Variants in LY9 observed in about 807,000 individuals in gnomAD.
LY9 encodes T-lymphocyte surface antigen Ly-9.
In LY9, 59 loss-of-function variants were observed where a neutral mutation model predicts 64.6. That is an observed-to-expected ratio of 0.91 (90% CI 0.74 to 1.13). LY9 has a LOEUF of 1.13. Ranked by LOEUF, LY9 falls within the 50% of genes most tolerant of loss-of-function variation. The pLI is 0.00. For synonymous variants in LY9, 281 were observed against 308.5 expected (o/e 0.91, Z 0.93); for missense variants, 789 against 797.2 (o/e 0.99, Z 0.12).
rs566592435 is a variant in LY9 at position 160,813,228 on chromosome 1, A to G, written c.455-408A>G. The stretch of plus-strand genomic sequence containing the variant: ...TAAATTCAGACCAAAGACACGGGCA[A>G]CTCAAATTCTAGAAGCAGAGGTCCC... On this transcript the variant is annotated intron_variant, in intron 2 of 9. Transcript: ENST00000263285. 22 of 197,436 alleles carry G rather than the reference A, an allele frequency of 1.1e-4. 1 individual carries two copies. The East Asian group carries it at 2.8e-3, about 25-fold the overall frequency. 12.2% of individuals were successfully genotyped at this position (197,436 alleles called of 1,614,324 possible).
chr1:160,813,801 T>A lies in LY9; in HGVS notation c.620T>A (p.Leu207His), dbSNP rs1667716648. ...HASESNGGSI[L>H]TVSRTPCDPD... ...TCTGAGTCCAATGGAGGCTCCATTC[T>A]TACCGTCTCCCGAACACCATGTGAC... is the stretch of plus-strand genomic sequence containing the variant. The change falls in exon 3 of 10, where the codon CTT becomes CAT. Residue 207 changes from leucine to histidine, a missense_variant. Physicochemically the swap from Leu to His is moderately conservative, Grantham distance 99. Coordinates refer to ENST00000263285, the MANE Select transcript of LY9 (RefSeq NM_002348.4). 1.9e-6 allele frequency: 3 copies of A among 1,614,176 alleles called. No individual in the cohort carries two copies. The South Asian group carries it at 3.3e-5, about 18-fold the overall frequency.
chr1:160,805,827 G>C (rs1181953372), intron 2 of LY9, among the ~76,000 whole-genome samples: 2 of 150,714 alleles, frequency 1.3e-5, no homozygotes, highest in African/African-American at 4.9e-5. Context: ...TTATGAATTT[G>C]GGTGCTCCAG....
chr1:160,811,296 TG>T (rs1456029874), intron 2 of LY9: 1 of 152,282 alleles, frequency 6.6e-6, no homozygotes, highest in African/African-American at 2.4e-5. Flanking sequence ...TCATTTGTCC[TG>T]TCTCTGTCCC....
chr1:160,806,656 AT>A (rs960372120), intron 2 of LY9, among the ~76,000 whole-genome samples: 5 of 152,044 alleles, frequency 3.3e-5, no homozygotes, highest in African/African-American at 1.2e-4. Context: ...TACTGTTTTT[AT>A]GATTTACTCT....
chr1:160,828,080 T>C lies in LY9; in HGVS notation c.*264T>C. The C allele has an allele frequency of 4.0e-6, 1 of 248,980 alleles. No homozygotes were observed. The highest frequency in any genetic ancestry group is 7.7e-6 in the Non-Finnish European group (1 of 129,928). 15.4% of individuals were successfully genotyped at this position (248,980 alleles called of 1,614,324 possible). A position where few individuals can be genotyped will look rare whatever the true frequency, so the allele number is the denominator to read the frequency against. ...CACCTCGCACACTTATAGCGTTTCCTCCTCGAAATTCTACCAAGACTGGTC... is the reference window on the plus strand; with the variant it reads ...CACCTCGCACACTTATAGCGTTTCCCCCTCGAAATTCTACCAAGACTGGTC... On this transcript the variant is annotated 3_prime_UTR_variant, in exon 10 of 10. Coordinates refer to ENST00000263285, the MANE Select transcript of LY9 (RefSeq NM_002348.4).
intron 9 of LY9, among the ~76,000 whole-genome samples, chr1:160,825,085 G>T (rs980711213): frequency 6.6e-6 from 1 of 151,026 alleles, no homozygotes; most frequent in Non-Finnish European, 1.5e-5. Flanking sequence ...GTACACACCT[G>T]TAGTCCCAGC....
At chr1:160,816,485 C>A in intron 4 of LY9, 109 bp from the exon 5 acceptor site, 1 of 1,290,950 alleles carries the variant, frequency 7.7e-7, no homozygotes, top group Non-Finnish European at 1.1e-6. Flanking sequence ...AGGCACTTTG[C>A]CGGCAGTATC....
chr1:160,815,171 C>A (rs551073068), intron 4 of LY9: 2 of 172,842 alleles, frequency 1.2e-5, no homozygotes, highest in Non-Finnish European at 2.5e-5. Context: ...TAAACCCCGT[C>A]TCTACTAAAA....
Position 160,816,721 on chromosome 1 carries a change from G to A in LY9, c.1200G>A (p.Gln400=). 6.2e-7 allele frequency: 1 copy of A among 1,614,250 alleles called. No homozygotes were observed. The highest frequency in any genetic ancestry group is 8.5e-7 in the Non-Finnish European group (1 of 1,180,042). The change falls in exon 5 of 10, where the codon CAG becomes CAA. Residue 400 remains glutamine (Q), a synonymous_variant. Transcript: ENST00000263285. The part of the protein sequence containing the change: ...NTVMYTWTPL[Q]KEAVVSQGES... The stretch of plus-strand genomic sequence containing the variant: ...TCATGTACACATGGACCCCGCTGCA[G>A]AAGGAAGCTGTTGTGTCCCAAGGGG...
chr1:160,824,403 T>C (rs1668729849), intron 9 of LY9, 154 bp downstream of exon 9: 2 of 985,284 alleles, frequency 2.0e-6, no homozygotes, highest in East Asian at 1.1e-4. Context: ...TCAACAGAGA[T>C]GCATAAACAA....
intron 9 of LY9, among the ~76,000 whole-genome samples, chr1:160,825,301 T>A (rs77700886): frequency 0.024 from 3,716 of 152,276 alleles, 122 homozygotes; most frequent in African/African-American, 0.076. Flanking sequence ...AGTTTTGCAG[T>A]TACAATACCT....
chr1:160,814,908 G>A (rs1427489433), intron 4 of LY9, 147 bp downstream of exon 4: 35 of 654,616 alleles, frequency 5.3e-5, no homozygotes, highest in Non-Finnish European at 2.6e-6. Flanking sequence ...GTTCACACCA[G>A]TTGATTCATA....
intron 9 of LY9, among the ~76,000 whole-genome samples, chr1:160,825,377 C>T (rs1668796447): frequency 6.6e-6 from 1 of 152,072 alleles, no homozygotes; most frequent in African/African-American, 2.4e-5. Flanking sequence ...CATTTTATAG[C>T]CAAAGAAACA....
At chr1:160,817,575 G>A (rs1339138245) in intron 5 of LY9, among the ~76,000 whole-genome samples, 1 of 152,130 alleles carries the variant, frequency 6.6e-6, no homozygotes, top group Non-Finnish European at 1.5e-5. Context: ...AAGCCCCAGT[G>A]GCCCTTAATA....
rs540292118 is a variant in LY9, at chr1:160,822,047, C to A, written c.1499-1418C>A. On this transcript the variant is annotated intron_variant, in intron 7 of 9. Transcript: ENST00000263285. ...AGCATTTAGAACTGTGCCTCGCACA[C>A]GGTAGGCACTTACTAAATATGAGCA... 5.3e-5 allele frequency among the ~76,000 whole-genome samples: 8 copies of A among 152,116 alleles called. No individual in the cohort carries two copies. The East Asian group carries it at 7.7e-4, about 15-fold the overall frequency.
intron 7 of LY9, among the ~76,000 whole-genome samples, chr1:160,821,157 A>AAAAAAAAAAAAAAC (rs1557816003): frequency 1.3e-5 from 2 of 150,414 alleles, no homozygotes; most frequent in South Asian, 2.1e-4. Flanking sequence ...TTGCTAAAAA[A>AAAAAAAAAAAAAAC]AAAAAAAAAA....
chr1:160,806,881 A>G (rs554321126), intron 2 of LY9, among the ~76,000 whole-genome samples: 1 of 152,262 alleles, frequency 6.6e-6, no homozygotes, highest in East Asian at 1.9e-4. Context: ...CACTTTATGA[A>G]GTCCCAAATG....
At chr1:160,804,559 G>C (rs1324172050) in intron 2 of LY9, among the ~76,000 whole-genome samples, 1 of 152,094 alleles carries the variant, frequency 6.6e-6, no homozygotes, top group Non-Finnish European at 1.5e-5. Context: ...TTTTGTTGTT[G>C]TGTCCTTGTC....
chr1:160,810,960 CA>C (rs1455079840), intron 2 of LY9: 1 of 152,232 alleles, frequency 6.6e-6, no homozygotes, highest in Non-Finnish European at 1.5e-5. Context: ...CAAACAAGTC[CA>C]AAACCTAACA....
Sources: allele counts gnomAD v4.1 joint callset (sites outside exome capture counted in the v4.1 genomes callset), GRCh38; gene constraint gnomAD v4.1.1; transcripts MANE v1.5; gene names NCBI Gene and HGNC (gene_info 2026-07-23, HGNC 2026-07-21).